Variants in CEP89 observed in about 807,000 individuals in gnomAD.
The protein encoded by CEP89 is centrosomal protein of 89 kDa.
Under a neutral mutation model 97.6 loss-of-function variants are expected in CEP89, and 95 were observed. The observed-to-expected ratio is 0.97, with a 90% CI of 0.82 to 1.15. CEP89 has a LOEUF of 1.15. CEP89 is among the 50% of genes most tolerant of loss of function. The pLI is 0.00. For synonymous variants in CEP89, 354 were observed against 349.1 expected (o/e 1.01, Z -0.16); for missense variants, 869 against 947.7 (o/e 0.92, Z 1.09).
chr19:32,913,312 TGTTGTTGTTG>T (rs1161296249), intron 14 of CEP89, among the ~76,000 whole-genome samples: 6 of 64,112 alleles, frequency 9.4e-5, no homozygotes, highest in East Asian at 8.0e-4. Flanking sequence ...TATATTTTTT[TGTTGTTGTTG>T]TTGTTGTTGT....
At chr19:32,894,566 G>A (rs1295838565) in intron 16 of CEP89, among the ~76,000 whole-genome samples, 3 of 152,178 alleles carry the variant, frequency 2.0e-5, no homozygotes, top group African/African-American at 7.2e-5. Context: ...CTAGGCACAA[G>A]GTTTAGCTTA....
chr19:32,917,831 AG>A (rs1970159806), intron 13 of CEP89: 1 of 982,652 alleles, frequency 1.0e-6, no homozygotes, highest in Non-Finnish European at 1.2e-6. Flanking sequence ...GGAAGGACAC[AG>A]GGGAACTGTT....
At chr19:32,884,873 TA>T (rs111510742) in intron 17 of CEP89, among the ~76,000 whole-genome samples, 12,364 of 152,228 alleles carry the variant, frequency 0.081, 1,562 homozygotes, top group African/African-American at 0.27. Flanking sequence ...CTAATTCCAC[TA>T]TTTAGGAATA....
intron 16 of CEP89, among the ~76,000 whole-genome samples, chr19:32,893,965 T>G (rs1442727984): frequency 2.0e-5 from 3 of 152,124 alleles, no homozygotes; most frequent in South Asian, 2.1e-4. Context: ...AACCTAATGA[T>G]GTACCTCAAG....
intron 9 of CEP89, among the ~76,000 whole-genome samples, chr19:32,929,101 T>C (rs932384621): frequency 6.6e-6 from 1 of 152,216 alleles, no homozygotes; most frequent in African/African-American, 2.4e-5. Flanking sequence ...TTAATATCTA[T>C]GTAATTACTC....
At chr19:32,969,657 G>A (rs1196859903) in intron 1 of CEP89, 7 of 152,354 alleles carry the variant, frequency 4.6e-5, no homozygotes, top group Admixed American at 3.9e-4. Context: ...CTGTGCCTGG[G>A]GGGGCAGCCA....
chr19:32,905,551 TC>T (rs984869919), intron 14 of CEP89, among the ~76,000 whole-genome samples: 5 of 152,260 alleles, frequency 3.3e-5, no homozygotes, highest in African/African-American at 1.2e-4. Flanking sequence ...TTCTTCTTCT[TC>T]TTGAGTCAGT....
intron 6 of CEP89, among the ~76,000 whole-genome samples, chr19:32,939,081 T>TA (rs893628210): frequency 1.3e-5 from 2 of 151,420 alleles, no homozygotes; most frequent in East Asian, 2.0e-4. Flanking sequence ...ACCCCATCTC[T>TA]AAAAAAAAAT....
rs1227138116 is a variant in CEP89 at position 32,951,532 on chromosome 19, T to TACACACAC, written c.492+2082_492+2083insGTGTGTGT. 2.4e-3 allele frequency among the ~76,000 whole-genome samples: 270 copies of TACACACAC among 112,400 alleles called. 1 individual carries two copies. The highest frequency in any genetic ancestry group is 6.3e-3 in the African/African-American group (180 of 28,630). 73.7% of individuals were successfully genotyped at this position (112,400 alleles called of 152,430 possible). On this transcript the variant is annotated intron_variant, in intron 4 of 18. Transcript: ENST00000305768. ...AAAATTATATATATATATATATATA[T>TACACACAC]ATACACACACACACACACACACACA...
At position 32,926,258 on chromosome 19, in the gene CEP89, G is replaced by T. The variant is rs1401888335; in HGVS notation, c.1096C>A (p.Leu366Met). 6.2e-7 allele frequency: 1 copy of T among 1,611,756 alleles called. No individual in the cohort carries two copies. The highest frequency in any genetic ancestry group is 1.7e-5 in the Admixed American group (1 of 60,008). ...IPPWLLDIKY[L>M]SPLLLAYEDM... Reference sequence around the variant, plus strand: ...TCATAAGCCAGCAACAATGGTGACAGGTACTTTATATCCAACTGAAGATAG... The same window carrying T: ...TCATAAGCCAGCAACAATGGTGACATGTACTTTATATCCAACTGAAGATAG... The change falls in exon 11 of 19, where the codon CTG (leucine) becomes ATG (methionine). Residue 366 changes from leucine to methionine, a missense_variant. Physicochemically the swap from Leu to Met is conservative, Grantham distance 15 (BLOSUM62 2). Transcript: ENST00000305768.
chr19:32,970,386 T>A (rs574084610), intron 1 of CEP89: 78 of 152,272 alleles, frequency 5.1e-4, no homozygotes, highest in African/African-American at 1.8e-3. Context: ...CCAGATGCAG[T>A]GGCTCACACC....
chr19:32,941,643 AG>A lies in CEP89; in HGVS notation c.596-1759del, dbSNP rs1432539240. ...TGCTTTCAGTCAAATGTCCAGGGGC[AG>A]CCTGGACTGCTCTCCTGCGTTGGAC... On this transcript the variant is annotated intron_variant, in intron 5 of 18. Transcript: ENST00000305768. 2.6e-3 allele frequency among the ~76,000 whole-genome samples: 389 copies of A among 152,318 alleles called. 1 individual carries two copies. Among genetic ancestry groups the A allele is most frequent in the African/African-American group, 7.8e-3 (325 of 41,588 alleles).
chr19:32,971,307 G>A (rs1971402859), intron 1 of CEP89: 2 of 417,318 alleles, frequency 4.8e-6, no homozygotes, highest in Non-Finnish European at 8.5e-6. Flanking sequence ...CGTCGTCCAG[G>A]AGTTAACTCC....
intron 9 of CEP89, 112 bp from the exon 10 acceptor site, chr19:32,927,096 C>A: frequency 1.0e-6 from 1 of 968,264 alleles, no homozygotes; most frequent in Admixed American, 2.1e-5. Flanking sequence ...ATTTATCTGT[C>A]TATCCATCTG....
chr19:32,971,940 C>T lies in CEP89; in HGVS notation c.-66G>A. On this transcript the variant is annotated 5_prime_UTR_variant, in exon 1 of 19. Coordinates refer to ENST00000305768, the MANE Select transcript of CEP89 (RefSeq NM_032816.5). ...CAGCAGATCTATCCACAGCCAGGGA[C>T]CACTCCCTAAAGCCCGCCGCAGGCC... 1 of 1,533,920 alleles carries T rather than the reference C, an allele frequency of 6.5e-7. No homozygotes were observed. Among genetic ancestry groups the T allele is most frequent in the Non-Finnish European group, 8.9e-7 (1 of 1,129,116 alleles).
intron 9 of CEP89, among the ~76,000 whole-genome samples, chr19:32,930,568 T>C (rs1970450516): frequency 6.6e-6 from 1 of 151,994 alleles, no homozygotes; most frequent in South Asian, 2.1e-4. Context: ...GAACACCGTG[T>C]GCCTTCCCGC....
chr19:32,961,019 A>G (rs1464885518), intron 2 of CEP89, among the ~76,000 whole-genome samples: 2 of 152,152 alleles, frequency 1.3e-5, no homozygotes, highest in African/African-American at 4.8e-5. Flanking sequence ...AAGGTCCCCT[A>G]GTTTCAGCGG....
At position 32,878,968 on chromosome 19, in the gene CEP89, A is replaced by AAT. The variant is rs913962403; in HGVS notation, c.*193_*194insAT. 40 of 463,786 alleles carry AAT rather than the reference A, an allele frequency of 8.6e-5. No individual in the cohort carries two copies. The highest frequency in any genetic ancestry group is 1.2e-4 in the Non-Finnish European group (32 of 265,132). 28.7% of individuals were successfully genotyped at this position (463,786 alleles called of 1,614,324 possible). A position where few individuals can be genotyped will look rare whatever the true frequency, so the allele number is the denominator to read the frequency against. On this transcript the variant is annotated 3_prime_UTR_variant, in exon 19 of 19. Coordinates refer to ENST00000305768, the MANE Select transcript of CEP89 (RefSeq NM_032816.5). Reference sequence around the variant, plus strand: ...CAGAGTGAGACCCTAGCTCTAAAAAAAAAAAAAAATTAAAAAATAAAGCAA... The same window carrying AAT: ...CAGAGTGAGACCCTAGCTCTAAAAAAATAAAAAAAAATTAAAAAATAAAGCAA...
At chr19:32,971,373 G>C (rs142977954) in intron 1 of CEP89, 1 of 424,298 alleles carries the variant, frequency 2.4e-6, no homozygotes, top group South Asian at 7.9e-5. Flanking sequence ...AACTGTGGCC[G>C]ACCCTGGGGC....
Sources: gnomAD v4.1 joint callset for allele counts (sites outside exome capture counted in the v4.1 genomes callset) on GRCh38, gnomAD v4.1.1 for gene constraint, MANE v1.5 for transcripts, NCBI Gene and HGNC (gene_info 2026-07-23, HGNC 2026-07-21) for gene names.